Variants in CTBP2 observed in about 807,000 individuals in gnomAD.
CTBP2 encodes the protein C-terminal-binding protein 2.
A neutral mutation model predicts 80.3 loss-of-function variants in CTBP2; 30 were observed. The observed-to-expected ratio is 0.37, with a 90% confidence interval of 0.28 to 0.51. The LOEUF (loss-of-function observed/expected upper bound fraction) is 0.51, where lower values mean the gene tolerates loss of function less well. Ranked by LOEUF, CTBP2 falls within the 20% of genes least tolerant of loss-of-function variation. The pLI is 0.93. For synonymous variants in CTBP2, 594 were observed against 587.4 expected, an observed-to-expected ratio of 1.01 and a Z score of -0.16; for missense variants, 1,212 against 1,375.3, an observed-to-expected ratio of 0.88 and a Z score of 1.88.
chr10:125,030,338 T>C (rs1053121895), upstream of CTBP2, among the ~76,000 whole-genome samples: 5 of 152,228 alleles, frequency 3.3e-5, no homozygotes, highest in Non-Finnish European at 5.9e-5. Flanking sequence ...TTGTGTAACA[T>C]AGCTGTGTCG....
In CTBP2 at chr10:124,993,973, C is replaced by T. The variant is rs368558772; in HGVS notation, c.2413G>A (p.Ala805Thr). 6.2e-7 allele frequency: 1 copy of T among 1,614,142 alleles called. No individual in the cohort carries two copies. Among genetic ancestry groups the T allele is most frequent in the Non-Finnish European group, 8.5e-7 (1 of 1,180,014 alleles). ...CCACGGGCTGCGTTCACAAGGAATG[C>T]TCCCTGCCTCATCTGTGGAAGGAAA... Residue 805 changes from alanine to threonine, a missense_variant, in exon 6 of 9, where the codon GCA becomes ACA. Physicochemically the swap from Ala to Thr is moderately conservative, Grantham distance 58. This residue lies in a region of CTBP2 where 335 missense variants were observed against 504.7 expected (regional missense o/e 0.66). Transcript: ENST00000309035.
Position 125,027,352 on chromosome 10 carries a change from G to C in CTBP2, c.408C>G (p.Val136=), listed in dbSNP as rs371618244. Residue 136 remains valine (V), a synonymous_variant, in exon 1 of 9, where the codon GTC becomes GTG. Coordinates refer to ENST00000309035, the MANE Select transcript of CTBP2 (RefSeq NM_022802.3). Reference sequence around the variant, plus strand: ...TGCTGCCAAGCACTCCGTAGCTGGGGACCGGCCGGCTGACTCCTGGGTCCC... The same window carrying C: ...TGCTGCCAAGCACTCCGTAGCTGGGCACCGGCCGGCTGACTCCTGGGTCCC... The C allele has an allele frequency of 1.2e-6, 2 of 1,613,570 alleles. No homozygotes were observed. Among genetic ancestry groups the C allele is most frequent in the Non-Finnish European group, 1.7e-6 (2 of 1,179,992 alleles).
rs1952195521 is a variant in CTBP2 at position 124,988,799 on chromosome 10, CAA to C, written c.*717_*718del. 1 of 152,368 alleles carries C rather than the reference CAA, an allele frequency of 6.6e-6. No individual in the cohort carries two copies. The highest frequency in any genetic ancestry group is 2.1e-4 in the South Asian group (1 of 4,822). 9.4% of individuals were successfully genotyped at this position (152,368 alleles called of 1,614,324 possible). A position where few individuals can be genotyped will look rare whatever the true frequency, so the allele number is the denominator to read the frequency against. On this transcript the variant is annotated 3_prime_UTR_variant, in exon 9 of 9. Transcript: ENST00000309035. Reference sequence around the variant, plus strand: ...TTATTCTTCTTGAACCCTTTTAGCTCAAGACTTTCCACTCAATAAAATAGCAG... The same window carrying C: ...TTATTCTTCTTGAACCCTTTTAGCTCGACTTTCCACTCAATAAAATAGCAG...
chr10:125,151,852 C>T (rs947362422), intron 1 of CTBP2, among the ~76,000 whole-genome samples: 1 of 152,200 alleles, frequency 6.6e-6, no homozygotes, highest in Non-Finnish European at 1.5e-5. Context: ...CCCCCGCCGC[C>T]CCGGGTCCGA....
At chr10:125,016,695 C>T (rs1956532368) in intron 1 of CTBP2, among the ~76,000 whole-genome samples, 1 of 152,226 alleles carries the variant, frequency 6.6e-6, no homozygotes, top group Admixed American at 6.5e-5. Flanking sequence ...GAGCGCTGCG[C>T]CCAGGCCCAG....
In CTBP2 at chr10:125,117,134, C is replaced by T. The variant is rs533049239; in HGVS notation, c.-205-6041G>A. Among the ~76,000 whole-genome samples, 8 of 152,314 alleles carry T rather than the reference C, an allele frequency of 5.3e-5. No individual in the cohort carries two copies. The South Asian group carries it at 1.2e-3, about 24-fold the overall frequency. On this transcript the variant is annotated intron_variant, in intron 1 of 10. Transcript: ENST00000337195. ...TGTGCTCTCCCACAAGGCGACATCC[C>T]GCTCCCTGGCCTTCCCAACCCTCCT...
intron 2 of CTBP2, among the ~76,000 whole-genome samples, chr10:125,044,287 G>C (rs747374310): frequency 6.6e-6 from 1 of 152,166 alleles, no homozygotes; most frequent in Admixed American, 6.5e-5. Flanking sequence ...AACAGTCCAG[G>C]CGGTGGTGAC....
At chr10:125,035,897 C>T (rs926234174) in intron 3 of CTBP2, among the ~76,000 whole-genome samples, 2 of 152,096 alleles carry the variant, frequency 1.3e-5, no homozygotes, top group African/African-American at 4.8e-5. Context: ...GCCTGTGTTA[C>T]GAGAGGGCTC....
intron 1 of CTBP2, among the ~76,000 whole-genome samples, chr10:125,020,837 G>A (rs1956967058): frequency 6.6e-6 from 1 of 152,184 alleles, no homozygotes; most frequent in Non-Finnish European, 1.5e-5. Context: ...GTGTGGAGGG[G>A]GTCTGCGCTG....
intron 1 of CTBP2, among the ~76,000 whole-genome samples, chr10:125,159,303 G>A (rs1861511823): frequency 6.7e-6 from 1 of 149,622 alleles, no homozygotes; most frequent in Admixed American, 6.6e-5. Context: ...GTGCGGCCCG[G>A]GCGGGGAAGG....
chr10:125,062,394 G>A (rs990060774), intron 2 of CTBP2, among the ~76,000 whole-genome samples: 2 of 152,208 alleles, frequency 1.3e-5, no homozygotes, highest in Non-Finnish European at 2.9e-5. Flanking sequence ...AAATGAGGGT[G>A]ATGAGGACAT....
At chr10:125,050,156 C>T (rs1962369533) in intron 2 of CTBP2, among the ~76,000 whole-genome samples, 1 of 152,214 alleles carries the variant, frequency 6.6e-6, no homozygotes, top group Non-Finnish European at 1.5e-5. Flanking sequence ...TACTCTATGC[C>T]TGGGTCCTTA....
At position 125,019,450 on chromosome 10, in the gene CTBP2, T is replaced by C. The variant is rs73375120; in HGVS notation, c.1678+6632A>G. 6.8e-3 allele frequency among the ~76,000 whole-genome samples: 899 copies of C among 132,896 alleles called. 10 individuals carry two copies. The highest frequency in any genetic ancestry group is 0.022 in the African/African-American group (836 of 38,284). 87.2% of individuals were successfully genotyped at this position (132,896 alleles called of 152,430 possible). On this transcript the variant is annotated intron_variant, in intron 1 of 8. Coordinates refer to ENST00000309035, the MANE Select transcript of CTBP2 (RefSeq NM_022802.3). ...GCCAAACACCTGAAAAGCTTTCCTG[T>C]TAATATATGTTGGCTTTCTCACTTA...
chr10:125,142,826 G>A (rs1454522888), intron 1 of CTBP2, among the ~76,000 whole-genome samples: 1 of 152,176 alleles, frequency 6.6e-6, no homozygotes, highest in Non-Finnish European at 1.5e-5. Flanking sequence ...ATTCTGTGAA[G>A]CACATGCTCG....
chr10:125,136,642 T>TC (rs1857013766), intron 1 of CTBP2, among the ~76,000 whole-genome samples: 1 of 152,280 alleles, frequency 6.6e-6, no homozygotes, highest in African/African-American at 2.4e-5. Flanking sequence ...CTTCCAAGCC[T>TC]CCCTACTTAG....
chr10:125,065,138 A>C (rs1390955224), intron 2 of CTBP2, among the ~76,000 whole-genome samples: 2 of 152,196 alleles, frequency 1.3e-5, no homozygotes, highest in Non-Finnish European at 2.9e-5. Flanking sequence ...ACCACTCTGC[A>C]CAAAAACTGT....
chr10:125,014,672 G>A (rs1469221046), intron 1 of CTBP2, among the ~76,000 whole-genome samples: 2 of 152,226 alleles, frequency 1.3e-5, no homozygotes, highest in East Asian at 1.9e-4. Context: ...AGAACTTGCC[G>A]AGACGGGAAC....
intron 2 of CTBP2, among the ~76,000 whole-genome samples, chr10:125,061,577 A>AC (rs1330935469): frequency 6.6e-6 from 1 of 152,208 alleles, no homozygotes. Context: ...CCTGGGACTC[A>AC]GACACCAGGT....
intron 2 of CTBP2, among the ~76,000 whole-genome samples, chr10:125,063,634 T>C (rs1844177088): frequency 6.6e-6 from 1 of 152,252 alleles, no homozygotes. Context: ...AATGAAGCTG[T>C]ACGATTTATC....
Sources: allele counts gnomAD v4.1 joint callset (sites outside exome capture counted in the v4.1 genomes callset), GRCh38; gene constraint gnomAD v4.1.1; regional missense constraint gnomAD v4.1.1; transcripts MANE v1.5; gene names NCBI Gene and HGNC (gene_info 2026-07-23, HGNC 2026-07-21).